PCDH9: variants seen among roughly 807,000 people sequenced by gnomAD.
The protein encoded by PCDH9 is protocadherin-9.
In PCDH9, 24 loss-of-function variants were observed where a neutral mutation model predicts 70.6. The ratio of observed to expected loss-of-function variants is 0.34; its 90% CI spans 0.25 to 0.48. The LOEUF is 0.48. PCDH9 is among the 20% of genes least tolerant of loss of function. PCDH9 has a pLI of 0.99. For missense variants in PCDH9, 1,281 were observed against 1,503.6 expected (o/e 0.85, Z 2.45); for synonymous variants, 562 against 558.5 (o/e 1.01, Z -0.09).
chr13:66,487,443 C>T (rs1278792044), intron 4 of PCDH9, among the ~76,000 whole-genome samples: 1 of 152,056 alleles, frequency 6.6e-6, no homozygotes, highest in Non-Finnish European at 1.5e-5. Context: ...CACTAAATTT[C>T]TTTCTTATGG....
At position 67,089,984 on chromosome 13, in the gene PCDH9, CA is replaced by C. The variant is rs572495494; in HGVS notation, c.3036+135420del. On this transcript the variant is annotated intron_variant, in intron 2 of 4. Coordinates refer to ENST00000377865, the MANE Select transcript of PCDH9 (RefSeq NM_203487.3). Reference sequence around the variant, plus strand: ...TTTTTATTTTTCTTAATTGGTTTTGCAAGTTTTCCACAAGCCCACACTAAAG... The same window carrying C: ...TTTTTATTTTTCTTAATTGGTTTTGCAGTTTTCCACAAGCCCACACTAAAG... Among the ~76,000 whole-genome samples the C allele has an allele frequency of 2.2e-3, 340 of 152,020 alleles. 1 individual carries two copies. The highest frequency in any genetic ancestry group is 5.0e-3 in the South Asian group (24 of 4,824).
chr13:66,678,377 T>C (rs2078273160), intron 3 of PCDH9, among the ~76,000 whole-genome samples: 1 of 152,086 alleles, frequency 6.6e-6, no homozygotes, highest in Non-Finnish European at 1.5e-5. Context: ...GAAGTATAGA[T>C]GTTAGATCTT....
chr13:66,339,473 A>G (rs1566252596), intron 4 of PCDH9, among the ~76,000 whole-genome samples: 1 of 152,070 alleles, frequency 6.6e-6, no homozygotes, highest in Non-Finnish European at 1.5e-5. Flanking sequence ...CATTCTGACT[A>G]CATTAGTAAT....
intron 4 of PCDH9, among the ~76,000 whole-genome samples, chr13:66,404,188 C>A (rs1452440036): frequency 6.6e-6 from 1 of 152,128 alleles, no homozygotes; most frequent in African/African-American, 2.4e-5. Context: ...TAAATAGAGG[C>A]ACTGCTTACT....
intron 3 of PCDH9, among the ~76,000 whole-genome samples, chr13:66,848,651 G>A (rs1364313325): frequency 6.6e-6 from 1 of 151,902 alleles, no homozygotes; most frequent in African/African-American, 2.4e-5. Context: ...AAAATCGGCC[G>A]GGCGCGGTGG....
chr13:67,194,368 C>CTT (rs34743461), intron 2 of PCDH9, among the ~76,000 whole-genome samples: 454 of 147,684 alleles, frequency 3.1e-3, no homozygotes, highest in African/African-American at 0.011. Context: ...TAACTTTTAT[C>CTT]TTTTTTTTTT....
At chr13:67,024,651 T>C (rs2084744259) in intron 2 of PCDH9, among the ~76,000 whole-genome samples, 1 of 152,002 alleles carries the variant, frequency 6.6e-6, no homozygotes, top group Non-Finnish European at 1.5e-5. Context: ...AAATTGGCCA[T>C]GGTGAAGTCC....
intron 2 of PCDH9, among the ~76,000 whole-genome samples, chr13:66,980,738 T>TTG (rs1428845076): frequency 2.9e-5 from 4 of 140,000 alleles, no homozygotes; most frequent in African/African-American, 7.8e-5. Flanking sequence ...TTGTTTTTTT[T>TTG]TTTGTTTTTT....
chr13:66,967,286 A>T lies in PCDH9; in HGVS notation c.3037-63681T>A, dbSNP rs1201948225. Among the ~76,000 whole-genome samples the T allele has an allele frequency of 3.9e-5, 6 of 152,198 alleles. No homozygotes were observed. The East Asian group carries it at 9.6e-4, about 24-fold the overall frequency. ...GACAGGTGGAATTATTCGTAGTGAT[A>T]TCAAATTAATCCAGTTGTTTAAAGC... On this transcript the variant is annotated intron_variant, in intron 2 of 4. Transcript: ENST00000377865.
rs34374674 is a variant in PCDH9 at position 66,980,078 on chromosome 13, CTCTATCTATCTA to C, written c.3037-76485_3037-76474del. ...AATGACACTAACTTAAATTATCCAT[CTCTATCTATCTA>C]TCTATCTATCTATCTATCTATCTAT... On this transcript the variant is annotated intron_variant, in intron 2 of 4. Transcript: ENST00000377865. 8.3e-3 allele frequency among the ~76,000 whole-genome samples: 1,216 copies of C among 147,124 alleles called. 11 individuals are homozygous for C. The highest frequency in any genetic ancestry group is 0.019 in the African/African-American group (744 of 39,870).
chr13:66,560,990 G>A (rs113478374), intron 4 of PCDH9, among the ~76,000 whole-genome samples: 19,055 of 152,308 alleles, frequency 0.13, 1,427 homozygotes, highest in Middle Eastern at 0.24. Context: ...TCAGCCTGCC[G>A]CTGCACTGTG....
intron 3 of PCDH9, among the ~76,000 whole-genome samples, chr13:66,631,807 T>A (rs1051206057): frequency 6.6e-6 from 1 of 152,240 alleles, no homozygotes; most frequent in Admixed American, 6.5e-5. Context: ...TCATTTCTTT[T>A]GAATGACCAG....
intron 3 of PCDH9, among the ~76,000 whole-genome samples, chr13:66,796,335 A>C (rs1015034076): frequency 6.6e-6 from 1 of 152,172 alleles, no homozygotes; most frequent in Non-Finnish European, 1.5e-5. Flanking sequence ...TCTGTAAAAC[A>C]TGGAAGCCTA....
chr13:66,758,988 G>C (rs2079579731), intron 3 of PCDH9, among the ~76,000 whole-genome samples: 2 of 151,758 alleles, frequency 1.3e-5, no homozygotes, highest in African/African-American at 4.8e-5. Flanking sequence ...TTTCTTCTCT[G>C]ATTTTATGTA....
intron 4 of PCDH9, among the ~76,000 whole-genome samples, chr13:66,468,982 G>A (rs1489319178): frequency 3.9e-5 from 6 of 152,074 alleles, no homozygotes; most frequent in Admixed American, 6.6e-5. Context: ...AATGTAAGTA[G>A]GGGCATTTTC....
intron 2 of PCDH9, among the ~76,000 whole-genome samples, chr13:67,004,998 C>A (rs1309258970): frequency 1.3e-5 from 2 of 152,034 alleles, no homozygotes; most frequent in African/African-American, 4.8e-5. Context: ...TTTTTGGGAT[C>A]TTTTTCCTCC....
chr13:66,943,233 G>T (rs2083034511), intron 2 of PCDH9, among the ~76,000 whole-genome samples: 1 of 151,848 alleles, frequency 6.6e-6, no homozygotes, highest in African/African-American at 2.4e-5. Flanking sequence ...TATAAAATGT[G>T]TTTTCCCTCC....
At chr13:66,891,348 T>C (rs186652807) in intron 3 of PCDH9, among the ~76,000 whole-genome samples, 1 of 152,246 alleles carries the variant, frequency 6.6e-6, no homozygotes, top group East Asian at 1.9e-4. Context: ...TTCCTTTCCA[T>C]GGCCTCAGCG....
At chr13:66,571,610 G>A (rs9671200) in intron 4 of PCDH9, among the ~76,000 whole-genome samples, 2,605 of 151,614 alleles carry the variant, frequency 0.017, 81 homozygotes, top group Admixed American at 0.071. Flanking sequence ...CCTCATTATC[G>A]CTTGATAGTT....
Sources: gnomAD v4.1 joint callset for allele counts (sites outside exome capture counted in the v4.1 genomes callset) on GRCh38, gnomAD v4.1.1 for gene constraint, MANE v1.5 for transcripts, NCBI Gene and HGNC (gene_info 2026-07-23, HGNC 2026-07-21) for gene names.